ROBO1: variants seen among roughly 807,000 people sequenced by gnomAD.
The protein encoded by ROBO1 is roundabout homolog 1.
Under a neutral mutation model 195.9 loss-of-function variants are expected in ROBO1, and 149 were observed. The ratio of observed to expected loss-of-function variants is 0.76; its 90% CI spans 0.67 to 0.87. ROBO1 has a LOEUF of 0.87. Ranked by LOEUF, ROBO1 falls within the 40% of genes least tolerant of loss-of-function variation. The probability of loss-of-function intolerance (pLI) is 0.00; values close to 1 mark genes in which losing one functional copy is unlikely to be tolerated. For missense variants in ROBO1, 1,933 were observed against 2,068.3 expected, an observed-to-expected ratio of 0.93 and a Z score of 1.27; for synonymous variants, 816 against 733.2, an observed-to-expected ratio of 1.11 and a Z score of -1.82.
chr3:79,720,266 C>T (rs977639437), intron 1 of ROBO1, among the ~76,000 whole-genome samples: 2 of 152,112 alleles, frequency 1.3e-5, no homozygotes, highest in South Asian at 4.1e-4. Flanking sequence ...TTGGAACATT[C>T]CTTATAGGAA....
intron 2 of ROBO1, among the ~76,000 whole-genome samples, chr3:79,343,377 G>C (rs755550454): frequency 3.9e-5 from 6 of 152,098 alleles, no homozygotes; most frequent in Non-Finnish European, 5.9e-5. Flanking sequence ...GGATCACATG[G>C]TAAGAGTATG....
At chr3:79,017,934 T>C (rs1222181129) in intron 3 of ROBO1, among the ~76,000 whole-genome samples, 1 of 152,116 alleles carries the variant, frequency 6.6e-6, no homozygotes, top group African/African-American at 2.4e-5. Context: ...CCCCTTGTGC[T>C]CGGAAGAGGA....
intron 1 of ROBO1, among the ~76,000 whole-genome samples, chr3:79,737,157 A>T (rs1457109279): frequency 6.6e-6 from 1 of 152,182 alleles, no homozygotes; most frequent in Admixed American, 6.5e-5. Context: ...CAAAATATAG[A>T]CAATCCAAGA....
At chr3:79,061,924 C>T (rs1164662713) in intron 3 of ROBO1, among the ~76,000 whole-genome samples, 2 of 152,160 alleles carry the variant, frequency 1.3e-5, no homozygotes, top group Non-Finnish European at 2.9e-5. Flanking sequence ...CAATACCATT[C>T]AGGACATAGG....
intron 3 of ROBO1, among the ~76,000 whole-genome samples, chr3:79,026,220 A>G (rs1054339043): frequency 2.0e-5 from 3 of 152,102 alleles, no homozygotes; most frequent in Non-Finnish European, 4.4e-5. Context: ...TATTTTATGT[A>G]TTCTAACTGA....
intron 29 of ROBO1, 77 bp downstream of exon 29, chr3:78,606,656 T>C (rs1287955437): frequency 7.1e-7 from 1 of 1,411,076 alleles, no homozygotes; most frequent in Non-Finnish European, 9.8e-7. Flanking sequence ...ACTTTTTACA[T>C]GGCCATATAG....
At chr3:79,200,330 A>G (rs2081738748) in intron 2 of ROBO1, among the ~76,000 whole-genome samples, 1 of 151,816 alleles carries the variant, frequency 6.6e-6, no homozygotes, top group South Asian at 2.1e-4. Context: ...GTATTTGCAA[A>G]AAATAGGTAT....
intron 4 of ROBO1, among the ~76,000 whole-genome samples, chr3:78,801,521 A>G (rs1193299193): frequency 1.2e-4 from 19 of 152,154 alleles, no homozygotes; most frequent in Admixed American, 9.2e-4. Flanking sequence ...ATACACAGAC[A>G]TAAAATGAAA....
intron 3 of ROBO1, among the ~76,000 whole-genome samples, chr3:78,940,762 C>T (rs1648114234): frequency 6.6e-6 from 1 of 152,146 alleles, no homozygotes; most frequent in South Asian, 2.1e-4. Context: ...GCTATTTGTC[C>T]GTTTTTCCCA....
intron 2 of ROBO1, among the ~76,000 whole-genome samples, chr3:79,299,698 C>T (rs753516584): frequency 2.0e-5 from 3 of 151,702 alleles, no homozygotes; most frequent in African/African-American, 7.3e-5. Context: ...CTTTTTAAAG[C>T]GTGTGTTGAT....
In ROBO1 at chr3:79,143,673, T is replaced by C. The variant is rs112376481; in HGVS notation, c.89-18134A>G. Among the ~76,000 whole-genome samples, 9 of 152,214 alleles carry C rather than the reference T, an allele frequency of 5.9e-5. 1 individual carries two copies. Among genetic ancestry groups the C allele is most frequent in the African/African-American group, 2.2e-4 (9 of 41,556 alleles). On this transcript the variant is annotated intron_variant, in intron 2 of 30. Transcript: ENST00000464233. Reference sequence around the variant, plus strand: ...AAATTTTGAGATAATAGCAGGTTCATGTGCATAATATAGGAATATTTATTA... The same window carrying C: ...AAATTTTGAGATAATAGCAGGTTCACGTGCATAATATAGGAATATTTATTA...
intron 1 of ROBO1, among the ~76,000 whole-genome samples, chr3:79,711,808 T>C (rs752908551): frequency 9.9e-5 from 15 of 152,190 alleles, no homozygotes; most frequent in Admixed American, 2.6e-4. Flanking sequence ...GTTCCCTTCC[T>C]GTCTGTCACA....
At chr3:78,941,815 C>A (rs868415339) in intron 3 of ROBO1, among the ~76,000 whole-genome samples, 1 of 152,140 alleles carries the variant, frequency 6.6e-6, no homozygotes, top group African/African-American at 2.4e-5. Flanking sequence ...AAATAAATAA[C>A]TTCTTGGGCT....
At chr3:78,872,744 C>T (rs2035624988) in intron 4 of ROBO1, among the ~76,000 whole-genome samples, 1 of 152,066 alleles carries the variant, frequency 6.6e-6, no homozygotes, top group Non-Finnish European at 1.5e-5. Flanking sequence ...CAGTAAGCTC[C>T]CTGGACAAAT....
intron 4 of ROBO1, among the ~76,000 whole-genome samples, chr3:78,897,845 G>T (rs2037331355): frequency 6.6e-6 from 1 of 151,894 alleles, no homozygotes; most frequent in African/African-American, 2.4e-5. Context: ...GTACCAAAAA[G>T]ATGATACAAC....
chr3:79,443,014 A>T (rs890845084), intron 2 of ROBO1, among the ~76,000 whole-genome samples: 2 of 152,198 alleles, frequency 1.3e-5, no homozygotes, highest in Non-Finnish European at 2.9e-5. Flanking sequence ...TGTCTTTGTC[A>T]TTAGATGAAA....
intron 2 of ROBO1, among the ~76,000 whole-genome samples, chr3:79,390,818 C>G (rs2106702092): frequency 6.6e-6 from 1 of 152,094 alleles, no homozygotes; most frequent in South Asian, 2.1e-4. Context: ...TACATATTTA[C>G]CCTACTCACA....
At chr3:78,643,858 T>A (rs1276183652) in intron 21 of ROBO1, among the ~76,000 whole-genome samples, 1 of 151,932 alleles carries the variant, frequency 6.6e-6, no homozygotes. Flanking sequence ...AAAGGAGAAG[T>A]AGGGCTTGAA....
At chr3:79,027,107 T>C (rs1185209787) in intron 3 of ROBO1, among the ~76,000 whole-genome samples, 1 of 152,230 alleles carries the variant, frequency 6.6e-6, no homozygotes, top group East Asian at 1.9e-4. Flanking sequence ...AGAAAGTCTG[T>C]TTGCAGATTG....
Sources: allele counts gnomAD v4.1 joint callset (sites outside exome capture counted in the v4.1 genomes callset), GRCh38; gene constraint gnomAD v4.1.1; transcripts MANE v1.5; gene names NCBI Gene and HGNC (gene_info 2026-07-23, HGNC 2026-07-21).